CEP85L: variants seen among roughly 807,000 people sequenced by gnomAD.
The protein encoded by CEP85L is centrosomal protein 85L, also known as centrosomal protein of 85 kDa-like.
In CEP85L, 60 loss-of-function variants were observed where a neutral mutation model predicts 100.3. That is an observed-to-expected ratio of 0.60 (90% CI 0.49 to 0.74). The LOEUF (loss-of-function observed/expected upper bound fraction) is 0.74, where lower values mean the gene tolerates loss of function less well. Among genes scored for constraint, CEP85L ranks in the 30% least tolerant of loss-of-function variants. The pLI is 0.00. For missense variants in CEP85L, 973 were observed against 936.2 expected, an observed-to-expected ratio of 1.04 and a Z score of -0.51; for synonymous variants, 319 against 322.7, an observed-to-expected ratio of 0.99 and a Z score of 0.12.
At chr6:118,586,250 C>T (rs997483362) in intron 2 of CEP85L, among the ~76,000 whole-genome samples, 8 of 152,166 alleles carry the variant, frequency 5.3e-5, no homozygotes, top group African/African-American at 1.4e-4. Flanking sequence ...AAGAGATACC[C>T]CTTGAAAATT....
intron 3 of CEP85L, among the ~76,000 whole-genome samples, chr6:118,553,153 A>T (rs1447082802): frequency 1.2e-4 from 18 of 151,736 alleles, no homozygotes; most frequent in Non-Finnish European, 2.7e-4. Flanking sequence ...ATAAAACTAA[A>T]CTATTTTTGT....
chr6:118,706,997 T>C (rs1027043909), intron 1 of CEP85L, among the ~76,000 whole-genome samples: 2 of 152,146 alleles, frequency 1.3e-5, no homozygotes, highest in African/African-American at 4.8e-5. Context: ...TTGCCCCTCA[T>C]TGGCCTGGCA....
At chr6:118,478,528 A>G (rs1339408154) in intron 10 of CEP85L, among the ~76,000 whole-genome samples, 1 of 152,122 alleles carries the variant, frequency 6.6e-6, no homozygotes, top group Non-Finnish European at 1.5e-5. Context: ...ATGAGATGCT[A>G]AGAACAAAAA....
chr6:118,568,794 G>A (rs952154298), intron 2 of CEP85L, among the ~76,000 whole-genome samples: 2 of 152,082 alleles, frequency 1.3e-5, no homozygotes, highest in African/African-American at 4.8e-5. Context: ...CTGAGGGTTG[G>A]TTCTAAATAG....
chr6:118,510,466 T>C (rs1775903257), intron 5 of CEP85L, among the ~76,000 whole-genome samples: 1 of 151,910 alleles, frequency 6.6e-6, no homozygotes, highest in African/African-American at 2.4e-5. Flanking sequence ...TAAAAAGAAA[T>C]ATAACATCAC....
rs955551453 is a variant in CEP85L at position 118,519,304 on chromosome 6, A to T, written c.1139+4498T>A. ...CCCTGTCTCTACTAAAAATACAGAA[A>T]TTAGCTGGGTGTGGTCGCGGGCTAC... On this transcript the variant is annotated intron_variant, in intron 4 of 12. Transcript: ENST00000368491. 9.9e-5 allele frequency among the ~76,000 whole-genome samples: 15 copies of T among 151,930 alleles called. No homozygotes were observed. In the East Asian group the frequency reaches 2.9e-3, roughly 30 times the overall value.
chr6:118,618,884 G>C (rs1284475056), intron 2 of CEP85L, among the ~76,000 whole-genome samples: 1 of 152,142 alleles, frequency 6.6e-6, no homozygotes, highest in African/African-American at 2.4e-5. Flanking sequence ...CCCCGACCCA[G>C]GCCTTGCCAC....
At chr6:118,652,578 C>G (rs999216161), upstream of CEP85L, 13 of 1,460,512 alleles carry the variant, frequency 8.9e-6, no homozygotes, top group Non-Finnish European at 9.9e-6. Context: ...TTTTCCTGTT[C>G]TGGAATCTTG....
At chr6:118,590,663 GC>G (rs1389611673) in intron 2 of CEP85L, among the ~76,000 whole-genome samples, 4 of 151,892 alleles carry the variant, frequency 2.6e-5, no homozygotes, top group Admixed American at 1.3e-4. Context: ...TCAGCTTGGA[GC>G]CCCCCTCCAT....
chr6:118,506,303 T>C (rs1352197404), intron 5 of CEP85L, among the ~76,000 whole-genome samples: 1 of 152,160 alleles, frequency 6.6e-6, no homozygotes, highest in Non-Finnish European at 1.5e-5. Flanking sequence ...ACAGTCAAAA[T>C]GCTGGCGGTA....
At chr6:118,625,293 GCTTT>G (rs528258224) in intron 2 of CEP85L, among the ~76,000 whole-genome samples, 5 of 152,322 alleles carry the variant, frequency 3.3e-5, no homozygotes, top group African/African-American at 7.2e-5. Flanking sequence ...AAAGAGTTAT[GCTTT>G]CTCTCATTTC....
chr6:118,612,287 T>C (rs1018929504), intron 2 of CEP85L, among the ~76,000 whole-genome samples: 1 of 151,504 alleles, frequency 6.6e-6, no homozygotes, highest in Non-Finnish European at 1.5e-5. Flanking sequence ...TGAACTAAAA[T>C]GAAAATATAA....
chr6:118,598,609 A>G (rs766295122), intron 2 of CEP85L, among the ~76,000 whole-genome samples: 2 of 152,178 alleles, frequency 1.3e-5, no homozygotes, highest in Non-Finnish European at 2.9e-5. Flanking sequence ...TATACTAAGG[A>G]CTGCCAGTAA....
At chr6:118,656,093 A>C (rs1428993666), upstream of CEP85L, among the ~76,000 whole-genome samples, 1 of 152,240 alleles carries the variant, frequency 6.6e-6, no homozygotes, top group Non-Finnish European at 1.5e-5. Context: ...GGTTCAGCTA[A>C]GACTGGAAAC....
intron 6 of CEP85L, among the ~76,000 whole-genome samples, chr6:118,485,339 C>T (rs1299453068): frequency 1.3e-5 from 2 of 152,150 alleles, no homozygotes; most frequent in Admixed American, 1.3e-4. Flanking sequence ...AAAGCTAACA[C>T]TTGTTCACAG....
chr6:118,566,175 C>T lies in CEP85L; in HGVS notation c.374G>A (p.Trp125Ter), dbSNP rs1342608786. Residue 125 changes from tryptophan (W) to a stop codon, truncating the protein, a stop_gained, in exon 3 of 13, where the codon TGG (tryptophan) becomes TAG (stop). Coordinates refer to ENST00000368491, the MANE Select transcript of CEP85L (RefSeq NM_001042475.3). LOFTEE classifies it high-confidence loss of function. ...RESLTPDGSK[W>*]STSLMQTLGN... ...CAATGTTTGCATGAGGCTTGTACTC[C>T]ATTTTGAGCCATCTGGTGTCAATGA... The T allele has an allele frequency of 6.2e-7, 1 of 1,614,152 alleles. No homozygotes were observed. The highest frequency in any genetic ancestry group is 8.5e-7 in the Non-Finnish European group (1 of 1,180,020).
At chr6:118,665,609 T>C (rs550060574) in intron 1 of CEP85L, among the ~76,000 whole-genome samples, 3 of 152,044 alleles carry the variant, frequency 2.0e-5, no homozygotes, top group Non-Finnish European at 4.4e-5. Flanking sequence ...TCCTCCCTCC[T>C]AGGCCTCCCA....
chr6:118,567,205 A>ATG (rs1779563408), intron 2 of CEP85L, among the ~76,000 whole-genome samples: 1 of 77,278 alleles, frequency 1.3e-5, no homozygotes, highest in African/African-American at 4.8e-5. Context: ...ATGAATATAT[A>ATG]TGTATGTGTG....
intron 4 of CEP85L, among the ~76,000 whole-genome samples, chr6:118,514,524 C>CAAAAAAAAAAAAAA (rs561316113): frequency 2.3e-5 from 2 of 87,576 alleles, no homozygotes; most frequent in Non-Finnish European, 2.2e-5. Flanking sequence ...GACACTGTCT[C>CAAAAAAAAAAAAAA]AAAAAAAAAA....
Sources: allele counts gnomAD v4.1 joint callset (sites outside exome capture counted in the v4.1 genomes callset), GRCh38; gene constraint gnomAD v4.1.1; transcripts MANE v1.5; gene names NCBI Gene and HGNC (gene_info 2026-07-23, HGNC 2026-07-21).